Variants in PSMA1 observed in about 807,000 individuals in gnomAD.
PSMA1 encodes the protein proteasome subunit alpha type-1.
In PSMA1, 3 loss-of-function variants were observed where a neutral mutation model predicts 38.4. That is an observed-to-expected ratio of 0.08 (90% CI 0.04 to 0.20). The LOEUF (loss-of-function observed/expected upper bound fraction) is 0.20, where lower values mean the gene tolerates loss of function less well. Among genes scored for constraint, PSMA1 ranks in the 10% least tolerant of loss-of-function variants. The pLI, the probability that PSMA1 is intolerant of heterozygous loss-of-function variation, is 1.00. For synonymous variants in PSMA1, 101 were observed against 107.1 expected (o/e 0.94, Z 0.35); for missense variants, 227 against 325.3 (o/e 0.70, Z 2.32).
In PSMA1 at chr11:14,538,208, TG is replaced by T. The variant is rs1851732772; in HGVS notation, c.22-19168del. The stretch of plus-strand genomic sequence containing the variant: ...TCTGGTCTACATTTTTTTCTAAGTA[TG>T]TTTAATTGTGTGTACATTGCTGTCT... On this transcript the variant is annotated intron_variant, in intron 2 of 10. Transcript: ENST00000418988. Among the ~76,000 whole-genome samples, 11 of 152,342 alleles carry T rather than the reference TG, an allele frequency of 7.2e-5. No homozygotes were observed. The South Asian group carries it at 2.3e-3, about 32-fold the overall frequency.
Position 14,603,535 on chromosome 11 carries a change from G to A in PSMA1, c.21+7431C>T, listed in dbSNP as rs185336944. ...GAGTCCACTGACTCAAAGTGCTTAG[G>A]TGTGTGTCACAGTGTTTTGTGCTGA... On this transcript the variant is annotated intron_variant, in intron 2 of 10. Transcript: ENST00000418988. 3.1e-3 allele frequency among the ~76,000 whole-genome samples: 469 copies of A among 152,308 alleles called. 6 individuals carry two copies. Among genetic ancestry groups the A allele is most frequent in the African/African-American group, 0.011 (445 of 41,564 alleles).
intron 2 of PSMA1, among the ~76,000 whole-genome samples, chr11:14,596,775 C>T (rs934364638): frequency 6.6e-5 from 10 of 152,170 alleles, no homozygotes; most frequent in Non-Finnish European, 1.0e-4. Flanking sequence ...GAACTTCCAA[C>T]GCTATGTTGA....
chr11:14,620,189 G>A (rs1852825749), intron 1 of PSMA1, among the ~76,000 whole-genome samples: 1 of 152,106 alleles, frequency 6.6e-6, no homozygotes, highest in Non-Finnish European at 1.5e-5. Flanking sequence ...AGAACAAACA[G>A]GATTTCCTCT....
At chr11:14,607,268 T>C (rs1315393464) in intron 2 of PSMA1, among the ~76,000 whole-genome samples, 2 of 152,234 alleles carry the variant, frequency 1.3e-5, no homozygotes, top group Non-Finnish European at 2.9e-5. Context: ...TTTTAATACA[T>C]TGGGCTTGAC....
At position 14,589,267 on chromosome 11, in the gene PSMA1, A is replaced by G. The variant is rs117833971; in HGVS notation, c.21+21699T>C. ...CCCATAGCACTTAACCACTTGGGAT[A>G]CTATGTATTTTCCTTTTCCTTTTTG... On this transcript the variant is annotated intron_variant, in intron 2 of 10. Coordinates refer to the PSMA1 transcript ENST00000418988. Among the ~76,000 whole-genome samples the G allele has an allele frequency of 1.8e-3, 274 of 151,960 alleles. 2 individuals carry two copies. Among genetic ancestry groups the G allele is most frequent in the Admixed American group, 3.5e-3 (54 of 15,252 alleles).
At chr11:14,592,394 A>ATATATAT (rs1353768420) in intron 2 of PSMA1, among the ~76,000 whole-genome samples, 1 of 138,100 alleles carries the variant, frequency 7.2e-6, no homozygotes, top group East Asian at 2.1e-4. Context: ...ATATATATAT[A>ATATATAT]TTTTTTTTTT....
At chr11:14,609,248 A>G (rs976144498) in intron 2 of PSMA1, among the ~76,000 whole-genome samples, 3 of 152,238 alleles carry the variant, frequency 2.0e-5, no homozygotes, top group African/African-American at 7.2e-5. Flanking sequence ...GAGTCCAAAG[A>G]CCATATCAAA....
chr11:14,641,710 A>T (rs1590020589), intron 1 of PSMA1, among the ~76,000 whole-genome samples: 3 of 152,192 alleles, frequency 2.0e-5, no homozygotes, highest in African/African-American at 7.2e-5. Flanking sequence ...CAGTCATTTG[A>T]CACAATCCCT....
At chr11:14,626,057 T>G (rs1351968672) in intron 1 of PSMA1, among the ~76,000 whole-genome samples, 1 of 152,110 alleles carries the variant, frequency 6.6e-6, no homozygotes, top group Non-Finnish European at 1.5e-5. Context: ...ACGTTATTTT[T>G]GCTAACTTAA....
chr11:14,605,576 G>A (rs1363297841), intron 2 of PSMA1, among the ~76,000 whole-genome samples: 3 of 151,996 alleles, frequency 2.0e-5, no homozygotes, highest in East Asian at 1.9e-4. Context: ...TTATAGAGAC[G>A]GGGTCTCACT....
intron 2 of PSMA1, among the ~76,000 whole-genome samples, chr11:14,549,056 G>GTT (rs376659759): frequency 7.4e-5 from 11 of 148,274 alleles, no homozygotes; most frequent in Non-Finnish European, 1.5e-4. Context: ...TGCTATTACT[G>GTT]TTTTTTTTTT....
chr11:14,620,691 C>A (rs915564444), intron 1 of PSMA1, among the ~76,000 whole-genome samples: 1 of 152,166 alleles, frequency 6.6e-6, no homozygotes, highest in Non-Finnish European at 1.5e-5. Flanking sequence ...AACAGAGTGG[C>A]CACTGGAAAT....
chr11:14,583,900 G>A (rs1417438507), intron 2 of PSMA1, among the ~76,000 whole-genome samples: 3 of 152,014 alleles, frequency 2.0e-5, no homozygotes, highest in Non-Finnish European at 4.4e-5. Flanking sequence ...TTTCACTTGG[G>A]GGACTCCTTT....
chr11:14,512,478 T>A (rs980676948), intron 7 of PSMA1, among the ~76,000 whole-genome samples: 1 of 152,200 alleles, frequency 6.6e-6, no homozygotes, highest in African/African-American at 2.4e-5. Context: ...CCCAAAATTA[T>A]CTATAGATTT....
chr11:14,557,922 G>T (rs1851959371), intron 2 of PSMA1, among the ~76,000 whole-genome samples: 1 of 152,096 alleles, frequency 6.6e-6, no homozygotes, highest in Non-Finnish European at 1.5e-5. Flanking sequence ...TTGCAGAATT[G>T]TCCAGGGTTC....
At chr11:14,632,956 C>T (rs1347634683) in intron 1 of PSMA1, among the ~76,000 whole-genome samples, 7 of 148,718 alleles carry the variant, frequency 4.7e-5, no homozygotes, top group Admixed American at 6.7e-5. Context: ...GCATTCTTCA[C>T]GTAGTTCTCG....
chr11:14,616,168 G>T (rs1320190557), intron 1 of PSMA1, among the ~76,000 whole-genome samples: 1 of 150,874 alleles, frequency 6.6e-6, no homozygotes, highest in Non-Finnish European at 1.5e-5. Flanking sequence ...ACGACTGTAA[G>T]AACTGTGTAA....
chr11:14,523,736 C>T (rs1589982505), upstream of PSMA1, among the ~76,000 whole-genome samples: 1 of 151,658 alleles, frequency 6.6e-6, no homozygotes, highest in Non-Finnish European at 1.5e-5. Context: ...GGCAAGTACC[C>T]CCATGCCCAG....
chr11:14,625,082 G>T (rs1852894948), intron 1 of PSMA1, among the ~76,000 whole-genome samples: 1 of 152,214 alleles, frequency 6.6e-6, no homozygotes, highest in South Asian at 2.1e-4. Flanking sequence ...GAAACATGGA[G>T]GATGTGTTCC....
Sources: gnomAD v4.1 joint callset for allele counts (sites outside exome capture counted in the v4.1 genomes callset) on GRCh38, gnomAD v4.1.1 for gene constraint, MANE v1.5 for transcripts, NCBI Gene and HGNC (gene_info 2026-07-23, HGNC 2026-07-21) for gene names.